Variants in RPS20 observed in about 807,000 individuals in gnomAD.
RPS20 encodes ribosomal protein S20, also known as small ribosomal subunit protein uS10.
In RPS20, 3 loss-of-function variants were observed where a neutral mutation model predicts 15.3. The observed-to-expected ratio is 0.20, with a 90% CI of 0.09 to 0.51. The LOEUF is 0.51. RPS20 is among the 20% of genes least tolerant of loss of function. The pLI, the probability that RPS20 is intolerant of heterozygous loss-of-function variation, is 0.96. For missense variants in RPS20, 67 were observed against 145.9 expected (o/e 0.46, Z 2.79); for synonymous variants, 62 against 47.8 (o/e 1.30, Z -1.23).
At chr8:56,072,968 T>C, downstream of RPS20, 2 of 1,450,844 alleles carry the variant, frequency 1.4e-6, no homozygotes, top group Non-Finnish European at 9.0e-7. Flanking sequence ...AAGATACCCA[T>C]ATATTCCACC....
chr8:56,072,614 A>G (rs1408169857), downstream of RPS20, among the ~76,000 whole-genome samples: 2 of 151,736 alleles, frequency 1.3e-5, no homozygotes, highest in African/African-American at 4.8e-5. Flanking sequence ...AAATATAAGT[A>G]TTTTTAAACT....
At chr8:56,072,843 A>G, downstream of RPS20, 2 of 1,191,952 alleles carry the variant, frequency 1.7e-6, no homozygotes, top group Non-Finnish European at 1.0e-6. Context: ...AGAGTATGCC[A>G]AAGTTATAAA....
downstream of RPS20, chr8:56,068,151 C>T (rs1478261365): frequency 6.6e-6 from 1 of 152,092 alleles, no homozygotes; most frequent in African/African-American, 2.4e-5. Context: ...GTTTATTATA[C>T]CATTCTCTCT....
chr8:56,074,053 C>T lies in RPS20; in HGVS notation c.103+7G>A. Reference sequence around the variant, plus strand: ...CCCCCTCCCCCCCGCATAACGAATGCACTGACCCTTTTCCAAGGATTTTAC... The same window carrying T: ...CCCCCTCCCCCCCGCATAACGAATGTACTGACCCTTTTCCAAGGATTTTAC... On this transcript the variant is annotated splice_region_variant and intron_variant, in intron 2 of 3. Transcript: ENST00000009589. The T allele has an allele frequency of 6.2e-7, 1 of 1,608,232 alleles. No individual in the cohort carries two copies. The highest frequency in any genetic ancestry group is 8.5e-7 in the Non-Finnish European group (1 of 1,174,868).
chr8:56,072,755 G>A (rs534396261), downstream of RPS20: 119 of 411,800 alleles, frequency 2.9e-4, 1 homozygote, highest in South Asian at 3.1e-3. Context: ...GCCTACTAGC[G>A]CACTAGGTTC....
intron 3 of RPS20, 111 bp downstream of exon 3, chr8:56,073,584 T>A: frequency 1.2e-6 from 1 of 860,046 alleles, no homozygotes; most frequent in Non-Finnish European, 2.0e-6. Context: ...CTATGTGCGT[T>A]TGTAGACAGC....
chr8:56,068,803 ATATCTTTTTTTTTTTTTTTTTTTT>A (rs1016427854), downstream of RPS20, among the ~76,000 whole-genome samples: 1 of 92,608 alleles, frequency 1.1e-5, no homozygotes, highest in Non-Finnish European at 2.2e-5. Flanking sequence ...CTTGGTGAAA[ATATCTTTTTTTTTTTTTTTTTTTT>A]TTTTTTTTTT....
At chr8:56,072,554 C>CA, downstream of RPS20, among the ~76,000 whole-genome samples, 2 of 147,748 alleles carry the variant, frequency 1.4e-5, no homozygotes, top group African/African-American at 5.0e-5. Context: ...GCCGTCCCCC[C>CA]CCCCAAAAAA....
chr8:56,067,494 A>G (rs995443355), exon 6 of RPS20: 1 of 152,148 alleles, frequency 6.6e-6, no homozygotes. Context: ...GACCATCCTC[A>G]TTAACATGGT....
chr8:56,069,892 TTTTTC>T, downstream of RPS20: 1 of 798,030 alleles, frequency 1.3e-6, no homozygotes, highest in Non-Finnish European at 2.2e-6. Context: ...ATAGACATTC[TTTTTC>T]TTGTCATTAT....
In RPS20 at chr8:56,074,175, T is replaced by C. The variant is rs755008239; in HGVS notation, c.4-16A>G. Reference sequence around the variant, plus strand: ...CCTTAAAAGCCTATTATTAGATACATGAAAAAGAACAATAAGCCAAAAATG... The same window carrying C: ...CCTTAAAAGCCTATTATTAGATACACGAAAAAGAACAATAAGCCAAAAATG... On this transcript the variant is annotated splice_polypyrimidine_tract_variant and intron_variant, in intron 1 of 3. Transcript: ENST00000009589. The C allele has an allele frequency of 1.7e-5, 27 of 1,602,820 alleles. No homozygotes were observed. Among genetic ancestry groups the C allele is most frequent in the East Asian group, 1.6e-4 (7 of 44,838 alleles).
At chr8:56,071,042 A>G (rs142992194), downstream of RPS20, among the ~76,000 whole-genome samples, 8 of 152,346 alleles carry the variant, frequency 5.3e-5, no homozygotes, top group East Asian at 3.9e-4. Flanking sequence ...GAAATTGAAG[A>G]TAACAGCAGT....
downstream of RPS20, chr8:56,069,952 T>G: frequency 1.5e-6 from 1 of 680,734 alleles, no homozygotes; most frequent in East Asian, 2.7e-5. Flanking sequence ...TACATTGTAT[T>G]AGGTATTACA....
chr8:56,069,621 G>C (rs1809699504), downstream of RPS20: 1 of 988,852 alleles, frequency 1.0e-6, no homozygotes, highest in South Asian at 1.4e-5. Flanking sequence ...ACTTTCAAAA[G>C]ATAAAATTTC....
downstream of RPS20, chr8:56,069,789 C>T (rs1241101498): frequency 6.5e-7 from 1 of 1,550,204 alleles, no homozygotes; most frequent in South Asian, 1.2e-5. Flanking sequence ...AAGTGTACTG[C>T]TGGCCCTCTG....
downstream of RPS20, chr8:56,069,735 C>T (rs1223643710): frequency 6.4e-7 from 1 of 1,551,462 alleles, no homozygotes; most frequent in Non-Finnish European, 8.7e-7. Flanking sequence ...GAGGAGAATG[C>T]AGTTAAAAAG....
Position 56,074,505 on chromosome 8 carries a change from AG to A in RPS20, c.-123del, listed in dbSNP as rs1809881271. On this transcript the variant is annotated 5_prime_UTR_variant, in exon 1 of 4. Transcript: ENST00000009589. ...CCTTACGACCGCGTCTTCCTCAAAA[AG>A]AAAGGGGTGGGACTTGAGCAACGCT... is the stretch of plus-strand genomic sequence containing the variant. 1 of 1,100,130 alleles carries A rather than the reference AG, an allele frequency of 9.1e-7. No individual in the cohort carries two copies. Among genetic ancestry groups the A allele is most frequent in the African/African-American group, 1.6e-5 (1 of 63,442 alleles). The allele number at this position is 1,100,130 out of a possible 1,614,324, so 68.1% of individuals were successfully genotyped here.
At chr8:56,073,493 A>C (rs149950318) in intron 3 of RPS20, 2 of 642,204 alleles carry the variant, frequency 3.1e-6, no homozygotes, top group East Asian at 5.4e-5. Context: ...ACCAAAGCAC[A>C]CCAAGAACAC....
intron 2 of RPS20, 109 bp downstream of exon 2, chr8:56,073,951 A>G (rs1290583744): frequency 8.7e-7 from 1 of 1,151,324 alleles, no homozygotes; most frequent in South Asian, 1.2e-5. Flanking sequence ...TTTTTTAAGT[A>G]ACTTGTCACT....
Sources: allele counts gnomAD v4.1 joint callset (sites outside exome capture counted in the v4.1 genomes callset), GRCh38; gene constraint gnomAD v4.1.1; transcripts MANE v1.5; gene names NCBI Gene and HGNC (gene_info 2026-07-23, HGNC 2026-07-21).